Variants in NFIL3 observed in about 807,000 individuals in gnomAD.
NFIL3 encodes the protein nuclear factor interleukin-3-regulated protein.
In NFIL3, 5 loss-of-function variants were observed where a neutral mutation model predicts 10.0. The ratio of observed to expected loss-of-function variants is 0.50; its 90% CI spans 0.26 to 1.06. The LOEUF is 1.06. Ranked by LOEUF, NFIL3 falls within the 50% of genes least tolerant of loss-of-function variation. NFIL3 has a pLI of 0.13. For synonymous variants in NFIL3, 202 were observed against 206.5 expected (o/e 0.98, Z 0.19); for missense variants, 436 against 547.6 (o/e 0.80, Z 2.03).
the NFIL3 span, among the ~76,000 whole-genome samples, chr9:91,449,842 T>C: frequency 6.6e-6 from 1 of 152,250 alleles, no homozygotes; most frequent in Non-Finnish European, 1.5e-5. Flanking sequence ...GGATTTTTCT[T>C]TGTTGAGACA....
chr9:91,480,674 A>G, the NFIL3 span, among the ~76,000 whole-genome samples: 1 of 152,218 alleles, frequency 6.6e-6, no homozygotes, highest in African/African-American at 2.4e-5. Context: ...ACAGCAAGGA[A>G]ATTTCAGGAG....
upstream of NFIL3, among the ~76,000 whole-genome samples, chr9:91,428,391 A>G (rs7032571): frequency 0.23 from 34,281 of 151,992 alleles, 4,371 homozygotes; most frequent in East Asian, 0.35. Context: ...CCTAGACGTT[A>G]TAGTTTTTAA....
chr9:91,467,354 G>A, the NFIL3 span, among the ~76,000 whole-genome samples: 1 of 151,882 alleles, frequency 6.6e-6, no homozygotes, highest in Non-Finnish European at 1.5e-5. Context: ...TACTCTAATA[G>A]AGCATTTCTT....
At chr9:91,465,465 T>A in the NFIL3 span, among the ~76,000 whole-genome samples, 1 of 149,146 alleles carries the variant, frequency 6.7e-6, no homozygotes, top group African/African-American at 2.5e-5. Context: ...CAGTTTCATC[T>A]CCCTGCTTGT....
chr9:91,472,849 C>A, the NFIL3 span, among the ~76,000 whole-genome samples: 1 of 152,080 alleles, frequency 6.6e-6, no homozygotes, highest in Non-Finnish European at 1.5e-5. Flanking sequence ...TTTTATCTAC[C>A]TTTGGTCTTT....
chr9:91,430,961 A>T, the NFIL3 span, among the ~76,000 whole-genome samples: 1 of 152,226 alleles, frequency 6.6e-6, no homozygotes, highest in Non-Finnish European at 1.5e-5. Context: ...TACAGGCAGG[A>T]ATCATGCCTC....
chr9:91,455,026 G>A, the NFIL3 span, among the ~76,000 whole-genome samples: 1 of 152,156 alleles, frequency 6.6e-6, no homozygotes, highest in Non-Finnish European at 1.5e-5. Flanking sequence ...CAGTTATTTT[G>A]TACAGTATTT....
the NFIL3 span, among the ~76,000 whole-genome samples, chr9:91,446,224 GTC>G: frequency 1.3e-5 from 2 of 152,160 alleles, no homozygotes. Context: ...CAGAGAGAAA[GTC>G]TCTCCTGGTT....
At chr9:91,472,871 C>T in the NFIL3 span, among the ~76,000 whole-genome samples, 19 of 152,224 alleles carry the variant, frequency 1.2e-4, no homozygotes, top group South Asian at 1.7e-3. Context: ...ATGATGGTGA[C>T]GTACAGATGG....
At chr9:91,461,010 T>C in the NFIL3 span, among the ~76,000 whole-genome samples, 1 of 152,236 alleles carries the variant, frequency 6.6e-6, no homozygotes, top group Non-Finnish European at 1.5e-5. Context: ...GACGCTTTTG[T>C]CATTTTCATT....
At chr9:91,428,287 C>G (rs1407227837), upstream of NFIL3, among the ~76,000 whole-genome samples, 1 of 152,106 alleles carries the variant, frequency 6.6e-6, no homozygotes, top group African/African-American at 2.4e-5. Flanking sequence ...TGGCCTTTCT[C>G]CAGTCATTCA....
At chr9:91,418,739 G>A (rs1419523552) in intron 1 of NFIL3, among the ~76,000 whole-genome samples, 2 of 152,088 alleles carry the variant, frequency 1.3e-5, no homozygotes, top group African/African-American at 4.8e-5. Flanking sequence ...ATGAAACTGA[G>A]TCCTCAAAGC....
chr9:91,457,233 G>A, the NFIL3 span, among the ~76,000 whole-genome samples: 23 of 149,290 alleles, frequency 1.5e-4, no homozygotes, highest in African/African-American at 5.8e-4. Context: ...TTAAGGATCA[G>A]TTTGTCAGTT....
chr9:91,453,191 C>T, the NFIL3 span, among the ~76,000 whole-genome samples: 8 of 152,090 alleles, frequency 5.3e-5, no homozygotes, highest in African/African-American at 1.7e-4. Flanking sequence ...CATGGTTTTT[C>T]CTCTGTACAT....
upstream of NFIL3, among the ~76,000 whole-genome samples, chr9:91,427,617 T>C (rs1439302923): frequency 1.1e-5 from 1 of 92,442 alleles, no homozygotes; most frequent in African/African-American, 5.4e-5. Flanking sequence ...TAGCATACCG[T>C]TTTTGTTGTT....
At chr9:91,421,455 G>T (rs561003640) in intron 1 of NFIL3, among the ~76,000 whole-genome samples, 11 of 152,232 alleles carry the variant, frequency 7.2e-5, no homozygotes, top group Admixed American at 1.3e-4. Context: ...GTGGGGAGGG[G>T]GCAGGGAGGA....
chr9:91,417,953 A>G (rs1235828593), intron 1 of NFIL3, among the ~76,000 whole-genome samples: 1 of 152,222 alleles, frequency 6.6e-6, no homozygotes, highest in Non-Finnish European at 1.5e-5. Context: ...TTCAAGTTCG[A>G]CAAAGGACTA....
the NFIL3 span, among the ~76,000 whole-genome samples, chr9:91,430,552 G>C: frequency 6.6e-6 from 1 of 152,216 alleles, no homozygotes; most frequent in Admixed American, 6.5e-5. Context: ...TGTGTACCAA[G>C]AGGGGCTTGA....
At chr9:91,424,759 C>A (rs1467134692), upstream of NFIL3, among the ~76,000 whole-genome samples, 1 of 152,246 alleles carries the variant, frequency 6.6e-6, no homozygotes, top group African/African-American at 2.4e-5. Flanking sequence ...GCTCGGGTGC[C>A]CCCGCTGGGA....
Sources: allele counts gnomAD v4.1 joint callset (sites outside exome capture counted in the v4.1 genomes callset), GRCh38; gene constraint gnomAD v4.1.1; transcripts MANE v1.5; gene names NCBI Gene and HGNC (gene_info 2026-07-23, HGNC 2026-07-21).